TOP1MT: variants seen among roughly 807,000 people sequenced by gnomAD.
TOP1MT encodes the protein DNA topoisomerase I mitochondrial.
Under a neutral mutation model 73.9 loss-of-function variants are expected in TOP1MT, and 80 were observed. That is an observed-to-expected ratio of 1.08 (90% CI 0.90 to 1.30). The LOEUF is 1.30. TOP1MT is among the 50% of genes most tolerant of loss of function. The pLI is 0.00. For missense variants in TOP1MT, 815 were observed against 808.0 expected (o/e 1.01, Z -0.10); for synonymous variants, 338 against 326.4 (o/e 1.04, Z -0.38).
At chr8:143,330,644 G>GA (rs1179133024) in intron 2 of TOP1MT, among the ~76,000 whole-genome samples, 1 of 152,214 alleles carries the variant, frequency 6.6e-6, no homozygotes. Flanking sequence ...CCTTCTAGCA[G>GA]AGATGAAGAA....
upstream of TOP1MT, among the ~76,000 whole-genome samples, chr8:143,359,068 C>T (rs985616853): frequency 5.3e-5 from 8 of 151,720 alleles, no homozygotes; most frequent in African/African-American, 1.9e-4. Context: ...GTCTCAAACC[C>T]TGAGCTCAAA....
intron 12 of TOP1MT, 31 bp from the exon 13 acceptor site, chr8:143,310,248 C>T (rs1815974944): frequency 2.0e-6 from 3 of 1,466,154 alleles, no homozygotes; most frequent in African/African-American, 1.4e-5. Context: ...CGCGAGGCCC[C>T]GCGCTGGACT....
At chr8:143,357,475 T>A (rs531963579), upstream of TOP1MT, among the ~76,000 whole-genome samples, 2 of 150,880 alleles carry the variant, frequency 1.3e-5, no homozygotes, top group South Asian at 4.2e-4. Context: ...ATGTTGAAGA[T>A]TGTGAGTTTA....
At chr8:143,357,945 G>A (rs1430453631), upstream of TOP1MT, among the ~76,000 whole-genome samples, 3 of 151,668 alleles carry the variant, frequency 2.0e-5, no homozygotes, top group Non-Finnish European at 2.9e-5. Context: ...AAAATTAGCT[G>A]GGCATGGTAG....
Position 143,324,003 on chromosome 8 carries a change from T to C in TOP1MT, c.956A>G (p.Asp319Gly). 6.2e-7 allele frequency: 1 copy of C among 1,613,622 alleles called. No individual in the cohort carries two copies. Among genetic ancestry groups the C allele is most frequent in the Non-Finnish European group, 8.5e-7 (1 of 1,179,976 alleles). The part of the protein sequence containing the change: ...RQRAVALYFI[D>G]KLALRAGNEK... ...GGAAGCGAGAAGGCCGCATACCTTA[T>C]CGATGAAATACAGGGCCACCGCCCG... The change falls in exon 7 of 14, where the codon GAT becomes GGT. Residue 319 changes from aspartate to glycine, a missense_variant. This residue lies in a region of TOP1MT where 751 missense variants were observed against 725.4 expected (regional missense o/e 1.04). Coordinates refer to ENST00000329245, the MANE Select transcript of TOP1MT (RefSeq NM_052963.3).
chr8:143,322,490 CGCACGCCACACACACAG>C (rs1273259307), intron 7 of TOP1MT, among the ~76,000 whole-genome samples: 2 of 108,440 alleles, frequency 1.8e-5, no homozygotes, highest in African/African-American at 3.4e-5. Flanking sequence ...GCACGCCACA[CGCACGCCACACACACAG>C]GCACGCCACA....
intron 12 of TOP1MT, among the ~76,000 whole-genome samples, chr8:143,311,761 A>G (rs1049879272): frequency 6.6e-6 from 1 of 151,954 alleles, no homozygotes; most frequent in Non-Finnish European, 1.5e-5. Flanking sequence ...AAAAAAAAAA[A>G]AAGAACCGCA....
chr8:143,321,537 ACGCACGCCACACACG>A, intron 7 of TOP1MT, 151 bp from the exon 8 acceptor site: 1 of 557,388 alleles, frequency 1.8e-6, no homozygotes, highest in African/African-American at 2.6e-5. Flanking sequence ...CGCCACACAC[ACGCACGCCACACACG>A]CACGCCACAC....
chr8:143,336,271 G>T (rs554587090), upstream of TOP1MT, among the ~76,000 whole-genome samples: 62 of 152,268 alleles, frequency 4.1e-4, no homozygotes, highest in Non-Finnish European at 7.2e-4. Flanking sequence ...GGGATTTCAG[G>T]TGTGAGCCGA....
intron 8 of TOP1MT, among the ~76,000 whole-genome samples, chr8:143,318,959 G>A (rs533676051): frequency 7.0e-4 from 106 of 152,242 alleles, no homozygotes; most frequent in African/African-American, 2.3e-3. Context: ...TTCCGTTACC[G>A]AGTGCTCCCC....
chr8:143,312,589 A>T (rs1451200790), intron 12 of TOP1MT, among the ~76,000 whole-genome samples: 1 of 152,240 alleles, frequency 6.6e-6, no homozygotes, highest in East Asian at 1.9e-4. Context: ...AGCTTCTGTG[A>T]AAAACCTACA....
At chr8:143,339,299 T>C (rs753149447), upstream of TOP1MT, among the ~76,000 whole-genome samples, 1 of 152,186 alleles carries the variant, frequency 6.6e-6, no homozygotes, top group Non-Finnish European at 1.5e-5. Flanking sequence ...GCATCGTTCT[T>C]CTCAAAGCAG....
chr8:143,315,897 C>T, intron 11 of TOP1MT, 76 bp from the exon 12 acceptor site: 1 of 1,605,762 alleles, frequency 6.2e-7, no homozygotes, highest in Non-Finnish European at 8.5e-7. Context: ...CTTCCACACC[C>T]TACGTGCCCA....
chr8:143,325,609 G>A lies in TOP1MT; in HGVS notation c.484-76C>T, dbSNP rs139852014. ...GGCCTCAGTCCGTTGTTGCTAACCC[G>A]GGACCACCCTGCTCTGTCTGGCTAA... is the stretch of plus-strand genomic sequence containing the variant. On this transcript the variant is annotated intron_variant, in intron 4 of 13. Coordinates refer to ENST00000329245, the MANE Select transcript of TOP1MT (RefSeq NM_052963.3). 8.7e-5 allele frequency: 121 copies of A among 1,383,608 alleles called. 1 individual carries two copies. In the Middle Eastern group the frequency reaches 9.3e-4, roughly 11 times the overall value. 85.7% of individuals were successfully genotyped at this position (1,383,608 alleles called of 1,614,324 possible). A position where few individuals can be genotyped will look rare whatever the true frequency, so the allele number is the denominator to read the frequency against.
upstream of TOP1MT, among the ~76,000 whole-genome samples, chr8:143,337,839 C>T (rs1304974802): frequency 3.3e-5 from 5 of 152,178 alleles, no homozygotes; most frequent in African/African-American, 4.8e-5. Context: ...AAGATCGGCC[C>T]GGACCTAATC....
chr8:143,326,327 C>T lies in TOP1MT; in HGVS notation c.378G>A (p.Glu126=), dbSNP rs778600040. 6.2e-7 allele frequency: 1 copy of T among 1,614,018 alleles called. No homozygotes were observed. Among genetic ancestry groups the T allele is most frequent in the Admixed American group, 1.7e-5 (1 of 60,022 alleles). The change falls in exon 4 of 14, where the codon GAG becomes GAA. Residue 126 remains glutamate, a synonymous_variant. Coordinates refer to ENST00000329245, the MANE Select transcript of TOP1MT (RefSeq NM_052963.3). ...NDWRKEMAVE[E]REVIKSLDKC... ...TGTCCAGGCTCTTGATGACTTCCCT[C>T]TCTTCCACCGCCATTTCCTGCAAAA...
rs772095583 is a variant in TOP1MT at position 143,321,419 on chromosome 8, G to A, written c.961-33C>T. The A allele has an allele frequency of 5.9e-6, 9 of 1,523,270 alleles. No homozygotes were observed. In the African/African-American group the frequency reaches 1.1e-4, roughly 19 times the overall value. The allele number at this position is 1,523,270 out of a possible 1,614,324, so 94.4% of individuals were successfully genotyped here. On this transcript the variant is annotated intron_variant, in intron 7 of 13. Transcript: ENST00000329245. ...GTGGGGAATGGTCAAAGTGGGTGGT[G>A]CGTGCACACGCACGCCACACACACG...
intron 13 of TOP1MT, 135 bp from the exon 14 acceptor site, chr8:143,309,678 C>T: frequency 6.6e-7 from 1 of 1,522,012 alleles, no homozygotes; most frequent in Non-Finnish European, 8.8e-7. Flanking sequence ...GGGACCTGCT[C>T]CTCTAGGCCA....
chr8:143,317,798 C>T lies in TOP1MT; in HGVS notation c.1255G>A (p.Gly419Arg), dbSNP rs563952364. 6 of 1,614,190 alleles carry T rather than the reference C, an allele frequency of 3.7e-6. No homozygotes were observed. The highest frequency in any genetic ancestry group is 2.2e-5 in the East Asian group (1 of 44,876). ...LNKHLQELMD[G>R]LTAKVFRTYN... ...GTCCGGAACACCTTGGCCGTCAGCC[C>T]GTCCATCAGCTCCTGGAGGTGCTTG... Residue 419 changes from glycine to arginine, a missense_variant, in exon 10 of 14, where the codon GGG becomes AGG. Transcript: ENST00000329245.
Sources: gnomAD v4.1 joint callset for allele counts (sites outside exome capture counted in the v4.1 genomes callset) on GRCh38, gnomAD v4.1.1 for gene constraint, gnomAD v4.1.1 regional missense constraint, MANE v1.5 for transcripts, NCBI Gene and HGNC (gene_info 2026-07-23, HGNC 2026-07-21) for gene names.